KDM2B: variants seen among roughly 807,000 people sequenced by gnomAD.
KDM2B encodes lysine-specific demethylase 2B.
A neutral mutation model predicts 150.0 loss-of-function variants in KDM2B; 26 were observed. The observed-to-expected ratio is 0.17, with a 90% confidence interval of 0.13 to 0.24. KDM2B has a LOEUF of 0.24. Ranked by LOEUF, KDM2B falls within the 10% of genes least tolerant of loss-of-function variation. KDM2B has a pLI of 1.00. For synonymous variants in KDM2B, 734 were observed against 729.5 expected (o/e 1.01, Z -0.10); for missense variants, 1,265 against 1,816.9 (o/e 0.70, Z 5.52).
intron 12 of KDM2B, among the ~76,000 whole-genome samples, chr12:121,459,084 C>CAA (rs60165748): frequency 0.087 from 8,914 of 102,266 alleles, 382 homozygotes; most frequent in East Asian, 0.13. Flanking sequence ...GACTCTGCCT[C>CAA]AAAAAAAAAA....
In KDM2B at chr12:121,521,136, G is replaced by A. The variant is rs782711909; in HGVS notation, c.932-36C>T. The A allele has an allele frequency of 7.0e-6, 10 of 1,423,388 alleles. No individual in the cohort carries two copies. The highest frequency in any genetic ancestry group is 9.9e-6 in the Non-Finnish European group (10 of 1,008,442). 88.2% of individuals were successfully genotyped at this position (1,423,388 alleles called of 1,614,324 possible). On this transcript the variant is annotated intron_variant, in intron 8 of 22. Transcript: ENST00000377071. This position sits in a 1 kb window ranked among gnomAD's most constrained non-coding sequence, Gnocchi z 4.9. ...AAGGGCAAGGAGAGGATGAGCCGCT[G>A]GCCCCTGTGGGCTCCCACACCTCAC... is the stretch of plus-strand genomic sequence containing the variant.
chr12:121,431,072 T>C (rs1428866536), intron 22 of KDM2B, among the ~76,000 whole-genome samples: 1 of 152,034 alleles, frequency 6.6e-6, no homozygotes, highest in Non-Finnish European at 1.5e-5. Flanking sequence ...CAGACCAACA[T>C]GCCCTTCTAG....
chr12:121,430,665 T>G lies in KDM2B; in HGVS notation c.3830-196A>C. 1.7e-6 allele frequency: 1 copy of G among 597,658 alleles called. No individual in the cohort carries two copies. Among genetic ancestry groups the G allele is most frequent in the Non-Finnish European group, 3.0e-6 (1 of 336,016 alleles). 37.0% of individuals were successfully genotyped at this position (597,658 alleles called of 1,614,324 possible). On this transcript the variant is annotated intron_variant, in intron 22 of 22. Transcript: ENST00000377071. The surrounding 1 kb of genome is among the most constrained non-coding windows in gnomAD (Gnocchi z 4.4). ...GGGGAAGGGTCTCACCCGCCAGGTA[T>G]AAAGGTTAATATATGCCTCAAAAGC...
chr12:121,522,884 T>C (rs142925297), intron 8 of KDM2B, among the ~76,000 whole-genome samples: 40 of 151,988 alleles, frequency 2.6e-4, no homozygotes, highest in Non-Finnish European at 5.0e-4. Flanking sequence ...CACAGAAAAA[T>C]GAAGTCACCT....
intron 11 of KDM2B, among the ~76,000 whole-genome samples, chr12:121,508,890 G>A (rs1174922789): frequency 1.3e-5 from 2 of 152,184 alleles, no homozygotes; most frequent in Non-Finnish European, 2.9e-5. Context: ...CCAACATGCT[G>A]GCCCAGGACA....
chr12:121,516,363 G>T, intron 9 of KDM2B: 1 of 638,410 alleles, frequency 1.6e-6, no homozygotes, highest in Non-Finnish European at 2.4e-6. Flanking sequence ...AAACCAGCTG[G>T]GTGAAAACAA....
In KDM2B at chr12:121,444,607, C is replaced by T. The variant is rs145157915; in HGVS notation, c.2104-71G>A. 1,098 of 1,288,806 alleles carry T rather than the reference C, an allele frequency of 8.5e-4. 11 individuals are homozygous for T. The African/African-American group carries it at 0.013, about 15-fold the overall frequency. 79.8% of individuals were successfully genotyped at this position (1,288,806 alleles called of 1,614,324 possible). ...GGCCCACGGGCACAAGGCTCTGTGA[C>T]GCCACGTCTTCCAGAAGCAGCAGCA... On this transcript the variant is annotated intron_variant, in intron 14 of 22. Coordinates refer to ENST00000377071, the MANE Select transcript of KDM2B (RefSeq NM_032590.5).
intron 6 of KDM2B, among the ~76,000 whole-genome samples, chr12:121,535,339 C>T (rs1212086699): frequency 2.0e-5 from 3 of 152,100 alleles, no homozygotes; most frequent in Non-Finnish European, 2.9e-5. Context: ...TCTGGTCCCA[C>T]GTATACAAAA....
intron 13 of KDM2B, among the ~76,000 whole-genome samples, chr12:121,446,013 G>A (rs1033150773): frequency 2.0e-5 from 3 of 152,174 alleles, no homozygotes; most frequent in Non-Finnish European, 4.4e-5. Flanking sequence ...TTGTACTGGC[G>A]GGTGAAACTC....
intron 10 of KDM2B, among the ~76,000 whole-genome samples, 156 bp from the exon 11 acceptor site, chr12:121,510,195 G>A (rs975409960): frequency 6.6e-6 from 1 of 152,214 alleles, no homozygotes; most frequent in Non-Finnish European, 1.5e-5. Flanking sequence ...AAAGGCCGTG[G>A]GGGACGCAGG....
chr12:121,562,484 A>G (rs1013841321), intron 4 of KDM2B, among the ~76,000 whole-genome samples: 2 of 151,556 alleles, frequency 1.3e-5, no homozygotes, highest in African/African-American at 4.8e-5. Flanking sequence ...ACTCTGTCTC[A>G]AAAAAAAAGT....
intron 9 of KDM2B, chr12:121,516,430 G>C (rs1277654267): frequency 1.4e-5 from 17 of 1,198,606 alleles, no homozygotes; most frequent in Admixed American, 2.5e-5. Flanking sequence ...TTCCAAGAGA[G>C]GACTGCGGGA....
intron 22 of KDM2B, chr12:121,433,141 A>G (rs1209052071): frequency 4.4e-6 from 2 of 456,702 alleles, no homozygotes; most frequent in East Asian, 1.4e-4. Context: ...CCCAGCCAGC[A>G]TTCTTCCTGG....
chr12:121,522,664 A>G (rs2141235202), intron 8 of KDM2B, among the ~76,000 whole-genome samples: 1 of 152,250 alleles, frequency 6.6e-6, no homozygotes, highest in East Asian at 1.9e-4. Context: ...CCTGGTCAAT[A>G]TGGCGAAACC....
chr12:121,479,732 C>T (rs554500831), intron 12 of KDM2B, among the ~76,000 whole-genome samples: 19 of 152,102 alleles, frequency 1.2e-4, no homozygotes, highest in African/African-American at 4.3e-4. Context: ...AGCAATTCTC[C>T]TGCCTCAGCC....
At chr12:121,454,293 C>T (rs1877864295) in intron 12 of KDM2B, among the ~76,000 whole-genome samples, 1 of 152,218 alleles carries the variant, frequency 6.6e-6, no homozygotes, top group Non-Finnish European at 1.5e-5. Flanking sequence ...AGAGCCACCC[C>T]AGGGAGGATG....
In KDM2B at chr12:121,430,175, G is replaced by A. The variant is rs1555285116; in HGVS notation, c.*113C>T. 6.2e-7 allele frequency: 1 copy of A among 1,614,190 alleles called. No homozygotes were observed. Among genetic ancestry groups the A allele is most frequent in the Non-Finnish European group, 8.5e-7 (1 of 1,180,024 alleles). On this transcript the variant is annotated 3_prime_UTR_variant, in exon 23 of 23. Transcript: ENST00000377071. This position sits in a 1 kb window ranked among gnomAD's most constrained non-coding sequence, Gnocchi z 4.4. Reference sequence around the variant, plus strand: ...CTCCCTTGGAAAGACTTGCAAAATGGAATTGCGTTGTGGTCTGTTGTCCCA... The same window carrying A: ...CTCCCTTGGAAAGACTTGCAAAATGAAATTGCGTTGTGGTCTGTTGTCCCA...
intron 9 of KDM2B, among the ~76,000 whole-genome samples, chr12:121,514,594 T>C (rs1053503330): frequency 4.6e-5 from 7 of 151,728 alleles, no homozygotes; most frequent in African/African-American, 1.5e-4. Context: ...TCCCTGGCTC[T>C]CTTGCCAAGA....
the KDM2B span, chr12:121,418,024 G>A: frequency 1.7e-6 from 2 of 1,152,460 alleles, no homozygotes; most frequent in Non-Finnish European, 2.5e-6. Context: ...ATGTGCTGGA[G>A]TGAAGCTTCC....
Sources: gnomAD v4.1 joint callset for allele counts (sites outside exome capture counted in the v4.1 genomes callset) on GRCh38, gnomAD v4.1.1 for gene constraint, Gnocchi (gnomAD v3.1) non-coding constraint, MANE v1.5 for transcripts, NCBI Gene and HGNC (gene_info 2026-07-23, HGNC 2026-07-21) for gene names.